Variants in AGPAT3 observed in about 807,000 individuals in gnomAD.
AGPAT3 encodes 1-acylglycerol-3-phosphate O-acyltransferase 3.
AGPAT3 carries 5 observed loss-of-function variants against 47.3 expected under a neutral mutation model. The observed-to-expected ratio is 0.11, with a 90% CI of 0.06 to 0.22. The LOEUF is 0.22. AGPAT3 is among the 10% of genes least tolerant of loss of function. The probability of loss-of-function intolerance (pLI) is 1.00; values close to 1 mark genes in which losing one functional copy is unlikely to be tolerated. For synonymous variants in AGPAT3, 212 were observed against 208.3 expected, an observed-to-expected ratio of 1.02 and a Z score of -0.15; for missense variants, 315 against 493.0, an observed-to-expected ratio of 0.64 and a Z score of 3.42.
chr21:43,953,528 G>A (rs1444887552), intron 2 of AGPAT3, among the ~76,000 whole-genome samples: 1 of 152,128 alleles, frequency 6.6e-6, no homozygotes, highest in Non-Finnish European at 1.5e-5. Flanking sequence ...ATTAGTTTAG[G>A]GTGATCAATA....
At chr21:43,887,626 T>G (rs929857805) in intron 1 of AGPAT3, among the ~76,000 whole-genome samples, 2 of 152,228 alleles carry the variant, frequency 1.3e-5, no homozygotes, top group East Asian at 3.8e-4. Flanking sequence ...CAAATGTTAA[T>G]TCTAATATAG....
intron 1 of AGPAT3, among the ~76,000 whole-genome samples, chr21:43,873,406 G>A (rs1217940448): frequency 2.0e-5 from 3 of 152,180 alleles, no homozygotes; most frequent in African/African-American, 7.2e-5. Flanking sequence ...AAACCCATGT[G>A]CCCTGAGGAC....
chr21:43,963,912 A>G (rs1467893703), intron 3 of AGPAT3, among the ~76,000 whole-genome samples: 1 of 152,064 alleles, frequency 6.6e-6, no homozygotes, highest in East Asian at 1.9e-4. Context: ...CAAATAAAAT[A>G]AAAAGGTTTT....
chr21:43,926,696 A>T (rs1344972217), intron 2 of AGPAT3, among the ~76,000 whole-genome samples: 3 of 118,316 alleles, frequency 2.5e-5, no homozygotes, highest in East Asian at 5.5e-4. Context: ...ATAGTGGCTG[A>T]TGCCTGTAAT....
rs34518380 is a variant in AGPAT3 at position 43,880,963 on chromosome 21, GA to G, written c.-112+15619del. ...CAAGTTGGTCATTCTTAATGCCAGG[GA>G]GGGGGAAGAGAGAGAAAATGAGAGA... On this transcript the variant is annotated intron_variant, in intron 1 of 9. Transcript: ENST00000291572. This position sits in a 1 kb window ranked among gnomAD's most constrained non-coding sequence, Gnocchi z 4.5. 0.31 allele frequency among the ~76,000 whole-genome samples: 46,491 copies of G among 151,982 alleles called. 7,815 individuals are homozygous for G. Among genetic ancestry groups the G allele is most frequent in the East Asian group, 0.53 (2,754 of 5,168 alleles).
At chr21:43,962,633 A>G (rs1254532179) in intron 3 of AGPAT3, among the ~76,000 whole-genome samples, 1 of 152,184 alleles carries the variant, frequency 6.6e-6, no homozygotes, top group African/African-American at 2.4e-5. Context: ...GTGTGCAGAA[A>G]TGGAATGTCA....
chr21:43,929,145 G>A (rs1197118818), intron 2 of AGPAT3, among the ~76,000 whole-genome samples: 3 of 152,228 alleles, frequency 2.0e-5, no homozygotes, highest in Non-Finnish European at 2.9e-5. Context: ...CACTGCTCCC[G>A]TAGTGGGTGC....
At position 43,915,315 on chromosome 21, in the gene AGPAT3, G is replaced by A. The variant is rs528639992; in HGVS notation, c.-49+11296G>A. On this transcript the variant is annotated intron_variant, in intron 2 of 9. Transcript: ENST00000291572. Reference sequence around the variant, plus strand: ...AGTCCGCCCTCCTCAACTTCCCAAAGTGCTGGGATTACAGGCATGAGCCAC... The same window carrying A: ...AGTCCGCCCTCCTCAACTTCCCAAAATGCTGGGATTACAGGCATGAGCCAC... 5.3e-5 allele frequency among the ~76,000 whole-genome samples: 8 copies of A among 151,226 alleles called. No homozygotes were observed. The South Asian group carries it at 1.7e-3, about 32-fold the overall frequency.
intron 2 of AGPAT3, among the ~76,000 whole-genome samples, chr21:43,916,666 C>G (rs759961358): frequency 2.0e-5 from 3 of 151,308 alleles, no homozygotes; most frequent in Admixed American, 1.3e-4. Context: ...TAAGCCAGTG[C>G]GAATGTTGTC....
At position 43,970,802 on chromosome 21, in the gene AGPAT3, G is replaced by A. The variant is rs1457079109; in HGVS notation, c.660G>A (p.Gly220=). The A allele has an allele frequency of 1.3e-6, 2 of 1,577,268 alleles. No homozygotes were observed. The highest frequency in any genetic ancestry group is 1.1e-5 in the South Asian group (1 of 87,948). The part of the protein sequence containing the change: ...GFTTAVKCLR[G]TVAAVYDVTL... ...CCACCGCAGTCAAGTGCCTCCGGGG[G>A]ACAGGTAGGCCCCAGACTGCCCGAG... is the stretch of plus-strand genomic sequence containing the variant. The change falls in exon 6 of 10, where the codon GGG becomes GGA. Residue 220 remains glycine, a synonymous_variant. Coordinates refer to ENST00000291572, the MANE Select transcript of AGPAT3 (RefSeq NM_020132.5). This position sits in a 1 kb window ranked among gnomAD's most constrained non-coding sequence, Gnocchi z 5.8.
intron 2 of AGPAT3, among the ~76,000 whole-genome samples, chr21:43,948,496 G>A (rs887258308): frequency 2.6e-5 from 4 of 152,204 alleles, no homozygotes; most frequent in Admixed American, 2.0e-4. Context: ...CTGGGGCTGG[G>A]CTTCCCTCCC....
In AGPAT3 at chr21:43,981,858, G is replaced by T. The variant is rs1039163492; in HGVS notation, c.1043-446G>T. ...GGTGGGAGGGGTCCTGAGAGGCAGTGACTGCCACCAGCCTCTCCCATTGGA... is the reference window on the plus strand; with the variant it reads ...GGTGGGAGGGGTCCTGAGAGGCAGTTACTGCCACCAGCCTCTCCCATTGGA... On this transcript the variant is annotated intron_variant, in intron 9 of 9. Transcript: ENST00000291572. The surrounding 1 kb of genome is among the most constrained non-coding windows in gnomAD (Gnocchi z 5.3). 1.3e-5 allele frequency among the ~76,000 whole-genome samples: 2 copies of T among 152,212 alleles called. No homozygotes were observed. The highest frequency in any genetic ancestry group is 6.5e-5 in the Admixed American group (1 of 15,288).
Position 43,985,460 on chromosome 21 carries a change from A to G in AGPAT3, c.*3068A>G. 3.3e-6 allele frequency: 1 copy of G among 298,962 alleles called. No homozygotes were observed. The highest frequency in any genetic ancestry group is 2.8e-5 in the South Asian group (1 of 35,844). 18.5% of individuals were successfully genotyped at this position (298,962 alleles called of 1,614,324 possible). ...GAGTCTCTCTGCCTTGCCTGTCCCG[A>G]CTCCCTTTCGCGCACCGTGGCATGA... On this transcript the variant is annotated 3_prime_UTR_variant, in exon 10 of 10. Transcript: ENST00000291572.
At chr21:43,910,815 T>C (rs976869048) in intron 2 of AGPAT3, among the ~76,000 whole-genome samples, 1 of 152,214 alleles carries the variant, frequency 6.6e-6, no homozygotes, top group Admixed American at 6.5e-5. Flanking sequence ...ACAAATCTCA[T>C]CAGTGTTCAG....
At chr21:43,912,919 C>T (rs747735137) in intron 2 of AGPAT3, among the ~76,000 whole-genome samples, 17 of 152,196 alleles carry the variant, frequency 1.1e-4, no homozygotes, top group East Asian at 3.8e-4. Flanking sequence ...GTTTGCCCAG[C>T]GAGTGAAATG....
intron 2 of AGPAT3, among the ~76,000 whole-genome samples, chr21:43,929,159 A>G (rs1297024840): frequency 6.6e-6 from 1 of 152,202 alleles, no homozygotes; most frequent in Non-Finnish European, 1.5e-5. Context: ...TGGGTGCCTC[A>G]TGCGGGTGGG....
rs927811046 is a variant in AGPAT3 at position 43,933,480 on chromosome 21, G to A, written c.-48-26154G>A. ...CCATGGGGAAAGGTTTGGGAATATCGATGATGTCATCATACTCCTGGCTGC... is the reference window on the plus strand; with the variant it reads ...CCATGGGGAAAGGTTTGGGAATATCAATGATGTCATCATACTCCTGGCTGC... On this transcript the variant is annotated intron_variant, in intron 2 of 9. Transcript: ENST00000291572. This position sits in a 1 kb window ranked among gnomAD's most constrained non-coding sequence, Gnocchi z 6.0. Among the ~76,000 whole-genome samples, 18 of 152,042 alleles carry A rather than the reference G, an allele frequency of 1.2e-4. No homozygotes were observed. Among genetic ancestry groups the A allele is most frequent in the African/African-American group, 4.1e-4 (17 of 41,374 alleles).
chr21:43,948,982 A>G lies in AGPAT3; in HGVS notation c.-48-10652A>G, dbSNP rs191758600. Reference sequence around the variant, plus strand: ...GTCTCAATTGTTGGTCTGCATGTCTACTGATAAGCCGGTACTGTGCTGTTT... The same window carrying G: ...GTCTCAATTGTTGGTCTGCATGTCTGCTGATAAGCCGGTACTGTGCTGTTT... On this transcript the variant is annotated intron_variant, in intron 2 of 9. Transcript: ENST00000291572. 3.7e-3 allele frequency among the ~76,000 whole-genome samples: 568 copies of G among 152,280 alleles called. 3 individuals are homozygous for G. Among genetic ancestry groups the G allele is most frequent in the African/African-American group, 0.012 (510 of 41,552 alleles).
In AGPAT3 at chr21:43,920,334, G is replaced by A. The variant is rs1035101150; in HGVS notation, c.-49+16315G>A. Among the ~76,000 whole-genome samples the A allele has an allele frequency of 1.3e-5, 2 of 152,120 alleles. No individual in the cohort carries two copies. The highest frequency in any genetic ancestry group is 2.1e-4 in the South Asian group (1 of 4,822). ...TTGAATGTGTGTGTGAGTGTGACTCGGCTGAGAGGAGACAGCGCAGCTGGG... is the reference window on the plus strand; with the variant it reads ...TTGAATGTGTGTGTGAGTGTGACTCAGCTGAGAGGAGACAGCGCAGCTGGG... On this transcript the variant is annotated intron_variant, in intron 2 of 9. Transcript: ENST00000291572. The surrounding 1 kb of genome is among the most constrained non-coding windows in gnomAD (Gnocchi z 6.1).
Sources: gnomAD v4.1 joint callset for allele counts (sites outside exome capture counted in the v4.1 genomes callset) on GRCh38, gnomAD v4.1.1 for gene constraint, Gnocchi (gnomAD v3.1) non-coding constraint, MANE v1.5 for transcripts, NCBI Gene and HGNC (gene_info 2026-07-23, HGNC 2026-07-21) for gene names.